Variants in B4GALNT3 observed in about 807,000 individuals in gnomAD.
B4GALNT3 encodes the protein beta-1,4-N-acetylgalactosaminyltransferase 3.
In B4GALNT3, 86 loss-of-function variants were observed where a neutral mutation model predicts 120.2. The observed-to-expected ratio is 0.72, with a 90% CI of 0.60 to 0.86. The LOEUF (loss-of-function observed/expected upper bound fraction) is 0.86. B4GALNT3 is among the 40% of genes least tolerant of loss of function. The pLI, the probability that B4GALNT3 is intolerant of heterozygous loss-of-function variation, is 0.00. For synonymous variants in B4GALNT3, 518 were observed against 510.4 expected (o/e 1.01, Z -0.20); for missense variants, 1,167 against 1,298.9 (o/e 0.90, Z 1.56).
intron 1 of B4GALNT3, among the ~76,000 whole-genome samples, chr12:530,811 G>A (rs1264146422): frequency 6.6e-6 from 1 of 152,210 alleles, no homozygotes; most frequent in East Asian, 1.9e-4. Context: ...TCAGGCCTTT[G>A]AAGAGTCTGC....
intron 9 of B4GALNT3, among the ~76,000 whole-genome samples, chr12:549,028 A>G (rs1485319065): frequency 3.9e-5 from 6 of 152,196 alleles, no homozygotes; most frequent in African/African-American, 7.2e-5. Flanking sequence ...ACCTGCCTTC[A>G]GTGCACAGGA....
At chr12:552,411 C>T in intron 12 of B4GALNT3, 56 bp from the exon 13 acceptor site, 1 of 1,550,990 alleles carries the variant, frequency 6.4e-7, no homozygotes, top group Non-Finnish European at 8.9e-7. Context: ...CCAGCAGAGC[C>T]AGGGCTGAGC....
chr12:536,513 T>TTTG (rs776768073), intron 3 of B4GALNT3, among the ~76,000 whole-genome samples: 1 of 152,208 alleles, frequency 6.6e-6, no homozygotes, highest in Non-Finnish European at 1.5e-5. Flanking sequence ...CAGTTAGTTT[T>TTTG]TTGTTGTTGT....
intron 1 of B4GALNT3, among the ~76,000 whole-genome samples, chr12:521,777 G>T (rs201219195): frequency 4.6e-5 from 7 of 152,054 alleles, no homozygotes; most frequent in African/African-American, 1.7e-4. Context: ...TTCCTGTACC[G>T]GCCTCACTGA....
intron 1 of B4GALNT3, among the ~76,000 whole-genome samples, chr12:476,585 T>G (rs1437254345): frequency 6.6e-6 from 1 of 152,194 alleles, no homozygotes; most frequent in Non-Finnish European, 1.5e-5. Flanking sequence ...CACCCCAGCC[T>G]GGGTGACAGA....
Position 559,404 on chromosome 12 carries a change from C to G in B4GALNT3, c.2871C>G (p.Asp957Glu). 6.2e-7 allele frequency: 1 copy of G among 1,613,908 alleles called. No individual in the cohort carries two copies. The highest frequency in any genetic ancestry group is 8.5e-7 in the Non-Finnish European group (1 of 1,179,902). Residue 957 changes from aspartate (D) to glutamate (E), a missense_variant, in exon 19 of 20, where the codon GAC becomes GAG. By Grantham distance (45) the Asp-to-Glu change is conservative. Around this residue, in one of 3 missense-constraint regions of B4GALNT3, gnomAD observed 983 missense variants for 1,102.5 expected, o/e 0.89. Coordinates refer to ENST00000266383, the MANE Select transcript of B4GALNT3 (RefSeq NM_173593.4). ...TCCGAGACCGCTGGGGCGGGGAAGA[C>G]TGGGAGCTGCTGGACAGGTGACTGG... ...KEFRDRWGGE[D>E]WELLDRILQA... is the part of the protein sequence containing the mutation.
intron 1 of B4GALNT3, among the ~76,000 whole-genome samples, chr12:483,371 G>A (rs1420160441): frequency 1.3e-5 from 2 of 152,174 alleles, no homozygotes; most frequent in East Asian, 1.9e-4. Context: ...ACAAGGCAGG[G>A]TGGTAAGAAC....
intron 1 of B4GALNT3, among the ~76,000 whole-genome samples, chr12:523,468 C>T (rs1378953360): frequency 6.6e-6 from 1 of 152,164 alleles, no homozygotes; most frequent in Non-Finnish European, 1.5e-5. Context: ...CTGCATTGTG[C>T]TCATTTTCAG....
rs529262569 is a variant in B4GALNT3, at chr12:560,289, C to T, written c.2888+868C>T. Among the ~76,000 whole-genome samples, 482 of 152,244 alleles carry T rather than the reference C, an allele frequency of 3.2e-3. 2 individuals are homozygous for T. Among genetic ancestry groups the T allele is most frequent in the Non-Finnish European group, 4.6e-3 (316 of 68,008 alleles). ...GGGGCGGGACCTCGACACGAAGACACGCTCACTTCTTCCCGAGAGGCAGGA... is the reference window on the plus strand; with the variant it reads ...GGGGCGGGACCTCGACACGAAGACATGCTCACTTCTTCCCGAGAGGCAGGA... On this transcript the variant is annotated intron_variant, in intron 19 of 19. Coordinates refer to ENST00000266383, the MANE Select transcript of B4GALNT3 (RefSeq NM_173593.4).
rs1051258149 is a variant in B4GALNT3 at position 460,033 on chromosome 12, C to T, written c.-344C>T. On this transcript the variant is annotated 5_prime_UTR_variant, in exon 1 of 20. Transcript: ENST00000266383. This position sits in a 1 kb window ranked among gnomAD's most constrained non-coding sequence, Gnocchi z 8.0. ...AGGCGGGCGGGCGCCGGGGAAGCCT[C>T]CTTCTGGGCAGCGAGTGAGGGCGGG... Among the ~76,000 whole-genome samples, 1 of 150,866 alleles carries T rather than the reference C, an allele frequency of 6.6e-6. No homozygotes were observed. Among genetic ancestry groups the T allele is most frequent in the Non-Finnish European group, 1.5e-5 (1 of 67,458 alleles).
rs530347443 is a variant in B4GALNT3, at chr12:459,965, G to A, written c.-412G>A. ...GGTTCCGCGAGCAGGAGAGCCCAGA[G>A]CCCGGAGCCCGGTCCGGGGCTGGCG... On this transcript the variant is annotated 5_prime_UTR_variant, in exon 1 of 20. Transcript: ENST00000266383. Among the ~76,000 whole-genome samples, 6 of 151,198 alleles carry A rather than the reference G, an allele frequency of 4.0e-5. No individual in the cohort carries two copies. Among genetic ancestry groups the A allele is most frequent in the African/African-American group, 1.5e-4 (6 of 41,218 alleles).
At chr12:503,283 A>G (rs1006654116) in intron 1 of B4GALNT3, among the ~76,000 whole-genome samples, 26 of 152,160 alleles carry the variant, frequency 1.7e-4, no homozygotes, top group African/African-American at 6.3e-4. Flanking sequence ...CGACACACCT[A>G]TCCGCTCAGT....
At chr12:526,901 C>G (rs1188285994) in intron 1 of B4GALNT3, among the ~76,000 whole-genome samples, 1 of 151,972 alleles carries the variant, frequency 6.6e-6, no homozygotes, top group African/African-American at 2.4e-5. Context: ...TTATCTGCCC[C>G]CTTGGTTTTA....
At chr12:560,144 G>T (rs758791) in intron 19 of B4GALNT3, among the ~76,000 whole-genome samples, 18,005 of 152,140 alleles carry the variant, frequency 0.12, 1,135 homozygotes, top group South Asian at 0.23. Flanking sequence ...AGAGAGGATG[G>T]TGCCTTGAGA....
At position 553,221 on chromosome 12, in the gene B4GALNT3, C is replaced by T; in HGVS notation, c.1298C>T (p.Ser433Phe). Residue 433 changes from serine to phenylalanine, a missense_variant, in exon 14 of 20, where the codon TCC (serine) becomes TTC (phenylalanine). Physicochemically the swap from Ser to Phe is radical, Grantham distance 155 (BLOSUM62 -2). Around this residue, in one of 3 missense-constraint regions of B4GALNT3, gnomAD observed 983 missense variants for 1,102.5 expected, o/e 0.89. Transcript: ENST00000266383. The part of the protein sequence containing the change: ...PGFEENLLEE[S>F]QYGEVAEETP... ...TTTGAGGAAAACCTTCTAGAAGAGT[C>T]CCAGTATGGGGAAGTGGCAGAGGAG... 6.2e-7 allele frequency: 1 copy of T among 1,613,356 alleles called. No individual in the cohort carries two copies. The highest frequency in any genetic ancestry group is 8.5e-7 in the Non-Finnish European group (1 of 1,179,926).
intron 1 of B4GALNT3, among the ~76,000 whole-genome samples, chr12:464,478 A>T (rs1195727714): frequency 2.6e-5 from 4 of 151,958 alleles, no homozygotes; most frequent in East Asian, 4.0e-4. Context: ...AAAAAAGATT[A>T]AAAAAATACC....
In B4GALNT3 at chr12:491,783, C is replaced by T. The variant is rs138360887; in HGVS notation, c.169+31238C>T. Among the ~76,000 whole-genome samples, 535 of 151,598 alleles carry T rather than the reference C, an allele frequency of 3.5e-3. 3 individuals are homozygous for T. The highest frequency in any genetic ancestry group is 0.012 in the African/African-American group (511 of 41,348). ...CAGGAACAAGGCAATAGGCCGGGTG[C>T]GGTGGCTTACGCCTGTAATCCCAGC... On this transcript the variant is annotated intron_variant, in intron 1 of 19. Coordinates refer to ENST00000266383, the MANE Select transcript of B4GALNT3 (RefSeq NM_173593.4).
At chr12:511,472 T>TCCGC (rs1189308594) in intron 1 of B4GALNT3, among the ~76,000 whole-genome samples, 1 of 27,046 alleles carries the variant, frequency 3.7e-5, no homozygotes, top group Non-Finnish European at 5.9e-5. Flanking sequence ...CCTTCCACCT[T>TCCGC]CTTCCACCTT....
intron 1 of B4GALNT3, among the ~76,000 whole-genome samples, chr12:490,363 GAAA>G (rs531748709): frequency 3.3e-5 from 5 of 149,596 alleles, no homozygotes; most frequent in Middle Eastern, 3.2e-3. Flanking sequence ...TGCTAACTAA[GAAA>G]AAAAAACAAA....
Sources: gnomAD v4.1 joint callset for allele counts (sites outside exome capture counted in the v4.1 genomes callset) on GRCh38, gnomAD v4.1.1 for gene constraint, gnomAD v4.1.1 regional missense constraint, Gnocchi (gnomAD v3.1) non-coding constraint, MANE v1.5 for transcripts, NCBI Gene and HGNC (gene_info 2026-07-23, HGNC 2026-07-21) for gene names.